The following NAALADL2 variants were observed in gnomAD, a reference collection of about 807,000 sequenced individuals.
NAALADL2 encodes N-acetylated alpha-linked acidic dipeptidase like 2.
Under a neutral mutation model 87.2 loss-of-function variants are expected in NAALADL2, and 76 were observed. The ratio of observed to expected loss-of-function variants is 0.87; its 90% CI spans 0.72 to 1.05. The LOEUF is 1.05. NAALADL2 is among the 50% of genes least tolerant of loss of function. The pLI is 0.00. For synonymous variants in NAALADL2, 354 were observed against 331.0 expected, an observed-to-expected ratio of 1.07 and a Z score of -0.75; for missense variants, 1,089 against 945.8, an observed-to-expected ratio of 1.15 and a Z score of -1.99.
At chr3:175,766,960 A>G (rs577122279) in intron 13 of NAALADL2, among the ~76,000 whole-genome samples, 24 of 152,312 alleles carry the variant, frequency 1.6e-4, no homozygotes, top group Non-Finnish European at 3.1e-4. Flanking sequence ...AAACACAAGG[A>G]AAGGACAGGG....
At chr3:174,840,490 A>G (rs1228581005) in intron 3 of NAALADL2, among the ~76,000 whole-genome samples, 1 of 152,130 alleles carries the variant, frequency 6.6e-6, no homozygotes, top group Non-Finnish European at 1.5e-5. Context: ...ATTTTAGAAA[A>G]GATTTGAAGG....
At chr3:174,779,325 G>T (rs199499660) in intron 3 of NAALADL2, among the ~76,000 whole-genome samples, 45,247 of 151,140 alleles carry the variant, frequency 0.3, 6,787 homozygotes, top group Middle Eastern at 0.37. Flanking sequence ...TGATGGGGTT[G>T]TTTTTTTCTT....
chr3:174,478,537 G>A (rs2108324463), intron 1 of NAALADL2, among the ~76,000 whole-genome samples: 1 of 151,896 alleles, frequency 6.6e-6, no homozygotes, highest in East Asian at 1.9e-4. Flanking sequence ...TAAAAATATA[G>A]TACTCATTGA....
At chr3:175,793,703 T>C (rs1753110843) in intron 13 of NAALADL2, among the ~76,000 whole-genome samples, 1 of 152,172 alleles carries the variant, frequency 6.6e-6, no homozygotes, top group Non-Finnish European at 1.5e-5. Context: ...TCATACCATA[T>C]AGTATTTATT....
chr3:174,500,389 C>T (rs1009641459), intron 1 of NAALADL2, among the ~76,000 whole-genome samples: 1 of 151,984 alleles, frequency 6.6e-6, no homozygotes, highest in Non-Finnish European at 1.5e-5. Context: ...ACAGTTTTGG[C>T]TCTTCCTTCC....
At chr3:174,991,775 T>G (rs1443865551) in intron 1 of NAALADL2, among the ~76,000 whole-genome samples, 1 of 152,124 alleles carries the variant, frequency 6.6e-6, no homozygotes, top group Non-Finnish European at 1.5e-5. Context: ...TAGTATTATG[T>G]TTGAAAACAT....
intron 1 of NAALADL2, among the ~76,000 whole-genome samples, chr3:175,087,845 A>G (rs937503932): frequency 6.6e-6 from 1 of 150,912 alleles, no homozygotes; most frequent in African/African-American, 2.4e-5. Flanking sequence ...CCTTCCCTCC[A>G]CTATTGTCCT....
chr3:175,721,724 G>A (rs1742259033), intron 11 of NAALADL2, among the ~76,000 whole-genome samples: 1 of 151,990 alleles, frequency 6.6e-6, no homozygotes, highest in Admixed American at 6.6e-5. Context: ...TCTCTCTAGA[G>A]GTATAGAGAA....
At chr3:175,141,742 C>T (rs2108728973) in intron 2 of NAALADL2, among the ~76,000 whole-genome samples, 1 of 152,168 alleles carries the variant, frequency 6.6e-6, no homozygotes, top group South Asian at 2.1e-4. Flanking sequence ...TCTGGATTCT[C>T]AGAGCCTTAC....
chr3:175,776,960 T>C (rs1750329868), intron 13 of NAALADL2, among the ~76,000 whole-genome samples: 1 of 152,016 alleles, frequency 6.6e-6, no homozygotes, highest in Non-Finnish European at 1.5e-5. Flanking sequence ...GAGTGCTTAA[T>C]ATCTATAATA....
intron 11 of NAALADL2, among the ~76,000 whole-genome samples, chr3:175,730,655 G>T (rs1743618946): frequency 6.6e-6 from 1 of 151,496 alleles, no homozygotes; most frequent in Non-Finnish European, 1.5e-5. Flanking sequence ...ATATTATTTA[G>T]TAAGAGAGGA....
intron 13 of NAALADL2, among the ~76,000 whole-genome samples, chr3:175,796,832 A>G (rs1330015022): frequency 2.0e-5 from 3 of 152,156 alleles, no homozygotes; most frequent in African/African-American, 4.8e-5. Flanking sequence ...CCATTTATGA[A>G]TATAAGAAGG....
At chr3:174,839,855 T>C (rs1032075845) in intron 3 of NAALADL2, among the ~76,000 whole-genome samples, 4 of 151,564 alleles carry the variant, frequency 2.6e-5, no homozygotes, top group African/African-American at 7.3e-5. Context: ...AAAAAAATAG[T>C]TGTTCGCATG....
At chr3:174,569,338 G>A (rs976731145) in intron 2 of NAALADL2, among the ~76,000 whole-genome samples, 6 of 151,840 alleles carry the variant, frequency 4.0e-5, no homozygotes, top group African/African-American at 7.3e-5. Flanking sequence ...AAAAACTTAA[G>A]CATTATATTA....
At chr3:175,209,894 TA>T (rs1177984727) in intron 2 of NAALADL2, among the ~76,000 whole-genome samples, 4 of 150,628 alleles carry the variant, frequency 2.7e-5, no homozygotes, top group Non-Finnish European at 5.9e-5. Context: ...AAATTAAAAA[TA>T]AATAAATAAA....
intron 3 of NAALADL2, among the ~76,000 whole-genome samples, chr3:174,764,801 G>A (rs1034841717): frequency 1.3e-5 from 2 of 152,118 alleles, no homozygotes; most frequent in Non-Finnish European, 2.9e-5. Context: ...GTAATTGTGG[G>A]TTAGAGAGGA....
At chr3:175,182,851 A>G (rs1490138432) in intron 2 of NAALADL2, among the ~76,000 whole-genome samples, 2 of 151,880 alleles carry the variant, frequency 1.3e-5, no homozygotes, top group Admixed American at 1.3e-4. Context: ...GTTTTCTTCT[A>G]GTATTTTTAC....
chr3:175,524,955 T>A (rs1733176860), intron 9 of NAALADL2, among the ~76,000 whole-genome samples: 1 of 152,092 alleles, frequency 6.6e-6, no homozygotes, highest in African/African-American at 2.4e-5. Flanking sequence ...GGAACATGCT[T>A]TAAACTTGTG....
At chr3:175,469,471 A>G (rs988942486) in intron 8 of NAALADL2, among the ~76,000 whole-genome samples, 18 of 152,098 alleles carry the variant, frequency 1.2e-4, no homozygotes, top group Non-Finnish European at 2.9e-5. Context: ...CTGGAAACCC[A>G]CAGTGGTAGT....
Sources: gnomAD v4.1 joint callset for allele counts (sites outside exome capture counted in the v4.1 genomes callset) on GRCh38, gnomAD v4.1.1 for gene constraint, MANE v1.5 for transcripts, NCBI Gene and HGNC (gene_info 2026-07-23, HGNC 2026-07-21) for gene names.